COG4: variants seen among roughly 807,000 people sequenced by gnomAD.
The protein encoded by COG4 is conserved oligomeric Golgi complex subunit 4.
A neutral mutation model predicts 95.1 loss-of-function variants in COG4; 65 were observed. The observed-to-expected ratio is 0.68, with a 90% confidence interval of 0.56 to 0.84. COG4 has a LOEUF of 0.84. Among genes scored for constraint, COG4 ranks in the 40% least tolerant of loss-of-function variants. COG4 has a pLI of 0.00. For synonymous variants in COG4, 421 were observed against 374.8 expected (o/e 1.12, Z -1.42); for missense variants, 1,045 against 989.1 (o/e 1.06, Z -0.76).
chr16:70,501,112 G>A, intron 8 of COG4, 21 bp from the exon 9 acceptor site: 1 of 1,611,172 alleles, frequency 6.2e-7, no homozygotes, highest in Non-Finnish European at 8.5e-7. Flanking sequence ...TGGAGCAGAA[G>A]GAATAGGACG....
chr16:70,514,252 T>C (rs2082013519), intron 4 of COG4, 83 bp downstream of exon 4: 4 of 1,257,996 alleles, frequency 3.2e-6, no homozygotes, highest in Non-Finnish European at 3.5e-6. Context: ...TAAAAACTGA[T>C]GTGTTTTTAT....
chr16:70,504,765 C>T (rs1459627410), intron 8 of COG4, among the ~76,000 whole-genome samples: 2 of 151,616 alleles, frequency 1.3e-5, no homozygotes, highest in Non-Finnish European at 2.9e-5. Context: ...CAAAAATTTG[C>T]CAGGCACACT....
Position 70,496,268 on chromosome 16 carries a change from G to T in COG4, c.1645C>A (p.Leu549Met). The part of the protein sequence containing the change: ...ESTDEAKMSF[L>M]VTLNNVEVCS... ...CTCGTGAGCTGTGGGGTACCTACCA[G>T]GAAGGACATCTTCGCCTCGTCAGTA... Residue 549 changes from leucine to methionine, a missense_variant and splice_region_variant, in exon 12 of 19, where the codon CTG (leucine) becomes ATG (methionine). Physicochemically the swap from Leu to Met is conservative, Grantham distance 15. Coordinates refer to ENST00000323786, the MANE Select transcript of COG4 (RefSeq NM_015386.3). The T allele has an allele frequency of 6.2e-7, 1 of 1,614,150 alleles. No individual in the cohort carries two copies.
At chr16:70,509,418 T>C in intron 6 of COG4, 30 bp from the exon 7 acceptor site, 1 of 1,613,332 alleles carries the variant, frequency 6.2e-7, no homozygotes, top group Non-Finnish European at 8.5e-7. Flanking sequence ...AGGGTTATAT[T>C]CCAAGTATTC....
In COG4 at chr16:70,481,822, A is replaced by T; in HGVS notation, c.2048T>A (p.Met683Lys). ...CAACTCGACGGCAACAAGGCTAGTC[A>T]TGAGGCCGGTTAGGCTGTCGTAGAT... ...PVIYDSLTGL[M>K]TSLVAVELEK... Residue 683 changes from methionine to lysine, a missense_variant, in exon 17 of 19, where the codon ATG (methionine) becomes AAG (lysine). Met to Lys is a moderately conservative substitution (Grantham distance 95, BLOSUM62 -1). Transcript: ENST00000323786. The T allele has an allele frequency of 6.2e-7, 1 of 1,614,088 alleles. No individual in the cohort carries two copies. Among genetic ancestry groups the T allele is most frequent in the Non-Finnish European group, 8.5e-7 (1 of 1,180,026 alleles).
intron 3 of COG4, among the ~76,000 whole-genome samples, chr16:70,515,557 G>A (rs139531336): frequency 0.052 from 7,906 of 152,154 alleles, 298 homozygotes; most frequent in East Asian, 0.1. Flanking sequence ...GGTGGCGCAT[G>A]CCTGTAATCC....
chr16:70,515,719 A>T (rs1294341493), intron 3 of COG4: 1 of 200,422 alleles, frequency 5.0e-6, no homozygotes, highest in Non-Finnish European at 1.0e-5. Flanking sequence ...AATAAATAAA[A>T]CATGCTTGCT....
At chr16:70,497,159 G>T in intron 11 of COG4, 62 bp downstream of exon 11, 2 of 1,488,004 alleles carry the variant, frequency 1.3e-6, no homozygotes, top group East Asian at 2.3e-5. Context: ...GAAACAAATG[G>T]GCCTCAGGAA....
At chr16:70,494,927 T>C (rs2049309109) in intron 12 of COG4, among the ~76,000 whole-genome samples, 1 of 152,102 alleles carries the variant, frequency 6.6e-6, no homozygotes, top group Non-Finnish European at 1.5e-5. Context: ...GGGCAAATAT[T>C]TTCTATGACA....
chr16:70,500,085 C>T (rs943017542), intron 9 of COG4, among the ~76,000 whole-genome samples: 3 of 151,942 alleles, frequency 2.0e-5, no homozygotes, highest in Non-Finnish European at 2.9e-5. Context: ...CCTTCCTCCT[C>T]GGCCTCCCAA....
At position 70,514,270 on chromosome 16, in the gene COG4, G is replaced by A; in HGVS notation, c.544+65C>T. 1.2e-5 allele frequency: 17 copies of A among 1,455,780 alleles called. 1 individual carries two copies. The South Asian group carries it at 1.7e-4, about 15-fold the overall frequency. The allele number at this position is 1,455,780 out of a possible 1,614,324, so 90.2% of individuals were successfully genotyped here. On this transcript the variant is annotated intron_variant, in intron 4 of 18. Transcript: ENST00000323786. ...AAACTGATGTGTTTTTATTGGTCGAGTCTGCTTACTTCAGATTACAGATGA... is the reference window on the plus strand; with the variant it reads ...AAACTGATGTGTTTTTATTGGTCGAATCTGCTTACTTCAGATTACAGATGA...
chr16:70,483,997 C>T (rs1223888024), intron 13 of COG4, 28 bp from the exon 14 acceptor site: 1 of 1,532,308 alleles, frequency 6.5e-7, no homozygotes, highest in East Asian at 2.2e-5. Flanking sequence ...TGTAAGACCA[C>T]CGAGCACGCG....
At position 70,514,491 on chromosome 16, in the gene COG4, T is replaced by G; in HGVS notation, c.388A>C (p.Ile130Leu). The G allele has an allele frequency of 6.2e-7, 1 of 1,614,150 alleles. No homozygotes were observed. The highest frequency in any genetic ancestry group is 8.5e-7 in the Non-Finnish European group (1 of 1,180,028). ...TCCAAGATGTCATCAGCTCTCTGAATGGCCTGATAGAGGCGGTTCTGCAAA... is the reference window on the plus strand; with the variant it reads ...TCCAAGATGTCATCAGCTCTCTGAAGGGCCTGATAGAGGCGGTTCTGCAAA... ...DLAKNRLYQA[I>L]QRADDILDLK... The change falls in exon 4 of 19, where the codon ATT becomes CTT. Residue 130 changes from isoleucine (I) to leucine (L), a missense_variant. By Grantham distance (5) the Ile-to-Leu change is conservative. Coordinates refer to ENST00000323786, the MANE Select transcript of COG4 (RefSeq NM_015386.3).
intron 8 of COG4, among the ~76,000 whole-genome samples, chr16:70,505,299 G>A (rs144077801): frequency 0.023 from 3,419 of 147,854 alleles, 60 homozygotes; most frequent in Non-Finnish European, 0.033. Context: ...CCGGGTTCAC[G>A]CCATTCTCCT....
intron 12 of COG4, among the ~76,000 whole-genome samples, chr16:70,491,910 T>C (rs1387098571): frequency 6.6e-6 from 1 of 151,644 alleles, no homozygotes; most frequent in African/African-American, 2.4e-5. Context: ...AGCACCTGGA[T>C]GTGCCAGGCA....
At chr16:70,511,403 T>G (rs2049701323) in intron 5 of COG4, among the ~76,000 whole-genome samples, 1 of 152,026 alleles carries the variant, frequency 6.6e-6, no homozygotes, top group Non-Finnish European at 1.5e-5. Flanking sequence ...AATTTTTTTG[T>G]GGGAGGGGAG....
chr16:70,481,964 G>A (rs2049006042), intron 16 of COG4, 99 bp from the exon 17 acceptor site: 1 of 1,347,552 alleles, frequency 7.4e-7, no homozygotes, highest in East Asian at 2.3e-5. Flanking sequence ...GGCCACGGGG[G>A]AGTTTCTACA....
rs557904379 is a variant in COG4, at chr16:70,482,874, T to C, written c.1828-53A>G. ...GACACAGAAGGCACGACTCATCCCT[T>C]CCCTCTCTCTTCTCCCCATCCCTTC... On this transcript the variant is annotated intron_variant, in intron 14 of 18. Transcript: ENST00000323786. 24 of 1,355,400 alleles carry C rather than the reference T, an allele frequency of 1.8e-5. No individual in the cohort carries two copies. In the African/African-American group the frequency reaches 3.2e-4, roughly 18 times the overall value. 84.0% of individuals were successfully genotyped at this position (1,355,400 alleles called of 1,614,324 possible).
At chr16:70,514,531 A>G (rs761661528) in intron 3 of COG4, 22 bp from the exon 4 acceptor site, 21 of 1,610,708 alleles carry the variant, frequency 1.3e-5, no homozygotes, top group Non-Finnish European at 1.8e-5. Flanking sequence ...TTTGGTACTT[A>G]CAAACAATGT....
Sources: allele counts gnomAD v4.1 joint callset (sites outside exome capture counted in the v4.1 genomes callset), GRCh38; gene constraint gnomAD v4.1.1; transcripts MANE v1.5; gene names NCBI Gene and HGNC (gene_info 2026-07-23, HGNC 2026-07-21).